Variants in FOCAD observed in about 807,000 individuals in gnomAD.
FOCAD encodes focadhesin, also known as KIAA1797.
Under a neutral mutation model 225.6 loss-of-function variants are expected in FOCAD, and 198 were observed. The observed-to-expected ratio is 0.88, with a 90% CI of 0.78 to 0.99. FOCAD has a LOEUF of 0.99. FOCAD is among the 50% of genes least tolerant of loss of function. The pLI is 0.00. For synonymous variants in FOCAD, 897 were observed against 755.0 expected (o/e 1.19, Z -3.08); for missense variants, 2,713 against 2,123.6 (o/e 1.28, Z -5.46).
intron 10 of FOCAD, among the ~76,000 whole-genome samples, chr9:20,783,455 T>G (rs549679542): frequency 1.3e-5 from 2 of 152,260 alleles, no homozygotes; most frequent in East Asian, 3.9e-4. Context: ...CCCAAACTCT[T>G]CAAGTCTCTT....
intron 42 of FOCAD, among the ~76,000 whole-genome samples, chr9:20,992,605 G>A (rs1345300319): frequency 1.3e-5 from 2 of 152,112 alleles, no homozygotes; most frequent in Non-Finnish European, 2.9e-5. Context: ...TCAGAGTGAT[G>A]AGAGATAATG....
chr9:20,758,167 C>T lies in FOCAD; in HGVS notation c.470C>T (p.Ala157Val), dbSNP rs144453858. 33 of 1,611,370 alleles carry T rather than the reference C, an allele frequency of 2.0e-5. No individual in the cohort carries two copies. Among genetic ancestry groups the T allele is most frequent in the Middle Eastern group, 1.6e-4 (1 of 6,076 alleles). ...CCAGTGTTTTTGCAGCAGCTGACAG[C>T]GTTTTTCCAGCAGTGCCCTGAAAGG... ...CWPVFLQQLT[A>V]FFQQCPERLE... The change falls in exon 6 of 44, where the codon GCG (alanine) becomes GTG (valine). Residue 157 changes from alanine (A) to valine (V), a missense_variant. Physicochemically the swap from Ala to Val is moderately conservative, Grantham distance 64. Coordinates refer to ENST00000338382, the MANE Select transcript of FOCAD (RefSeq NM_001375567.1).
At chr9:20,786,348 C>A (rs531924279) in intron 10 of FOCAD, among the ~76,000 whole-genome samples, 6 of 152,268 alleles carry the variant, frequency 3.9e-5, no homozygotes, top group African/African-American at 1.4e-4. Flanking sequence ...CTATCATCAT[C>A]TTCTGAAAGA....
chr9:20,811,432 G>A (rs900298103), intron 11 of FOCAD, among the ~76,000 whole-genome samples: 2 of 152,058 alleles, frequency 1.3e-5, no homozygotes, highest in Non-Finnish European at 2.9e-5. Context: ...AGATGCTCAA[G>A]CTGGATTGGA....
At chr9:20,751,292 C>T (rs1296807200) in intron 5 of FOCAD, among the ~76,000 whole-genome samples, 1 of 142,918 alleles carries the variant, frequency 7.0e-6, no homozygotes, top group South Asian at 2.4e-4. Context: ...GTATATCTCC[C>T]AGTGCTATCC....
intron 5 of FOCAD, among the ~76,000 whole-genome samples, chr9:20,744,019 CTG>C (rs1827839749): frequency 1.3e-5 from 2 of 152,116 alleles, no homozygotes; most frequent in South Asian, 4.2e-4. Context: ...CAAACAGTGA[CTG>C]TAAAGGAAAA....
chr9:20,902,310 C>G (rs976449330), intron 21 of FOCAD, among the ~76,000 whole-genome samples: 2 of 151,724 alleles, frequency 1.3e-5, no homozygotes, highest in Non-Finnish European at 2.9e-5. Flanking sequence ...AGAGGAAAAT[C>G]GGTCATTCAA....
At position 20,995,725 on chromosome 9, in the gene FOCAD, C is replaced by A; in HGVS notation, c.*96C>A. 4 of 1,095,408 alleles carry A rather than the reference C, an allele frequency of 3.7e-6. No individual in the cohort carries two copies. Among genetic ancestry groups the A allele is most frequent in the Non-Finnish European group, 4.1e-6 (3 of 727,386 alleles). The allele number at this position is 1,095,408 out of a possible 1,614,324, so 67.9% of individuals were successfully genotyped here. The stretch of plus-strand genomic sequence containing the variant: ...GAATTCATGCCTGGTATTGCTGAGA[C>A]ATGATGCAGAGAGTTAAGGGTCATG... On this transcript the variant is annotated 3_prime_UTR_variant, in exon 44 of 44. Transcript: ENST00000338382.
At chr9:20,780,405 A>C (rs1298543235) in intron 9 of FOCAD, among the ~76,000 whole-genome samples, 2 of 152,230 alleles carry the variant, frequency 1.3e-5, no homozygotes, top group Non-Finnish European at 2.9e-5. Flanking sequence ...TACAGTATCA[A>C]ACAGTCAAAT....
intron 15 of FOCAD, among the ~76,000 whole-genome samples, chr9:20,838,270 G>A (rs1202211533): frequency 6.6e-6 from 1 of 150,974 alleles, no homozygotes; most frequent in South Asian, 2.1e-4. Context: ...TACCACATAG[G>A]TCTTTTTTTT....
At chr9:20,751,980 C>T (rs1587015104) in intron 5 of FOCAD, among the ~76,000 whole-genome samples, 2 of 144,776 alleles carry the variant, frequency 1.4e-5, no homozygotes, top group Middle Eastern at 6.9e-3. Flanking sequence ...CTGTTCATGT[C>T]CTTCGCCCAC....
At chr9:20,718,936 C>T (rs761938097) in intron 3 of FOCAD, among the ~76,000 whole-genome samples, 6 of 152,130 alleles carry the variant, frequency 3.9e-5, no homozygotes, top group Non-Finnish European at 7.3e-5. Context: ...ACACAATGTC[C>T]TTATGAATAA....
intron 21 of FOCAD, among the ~76,000 whole-genome samples, chr9:20,894,365 T>C (rs1831888971): frequency 6.6e-6 from 1 of 152,152 alleles, no homozygotes; most frequent in African/African-American, 2.4e-5. Context: ...TGTTTGAAGA[T>C]AATTTTCAAC....
intron 21 of FOCAD, among the ~76,000 whole-genome samples, chr9:20,886,665 C>T (rs1263333934): frequency 2.0e-5 from 3 of 152,058 alleles, no homozygotes; most frequent in Non-Finnish European, 4.4e-5. Flanking sequence ...AAAATAACAT[C>T]ATTGTTTTAG....
chr9:20,986,330 T>G lies in FOCAD; in HGVS notation c.4771T>G (p.Ser1591Ala), dbSNP rs752017425. Residue 1591 changes from serine (S) to alanine (A), a missense_variant, in exon 40 of 44, where the codon TCT becomes GCT. By Grantham distance (99) the Ser-to-Ala change is moderately conservative (BLOSUM62 1). Coordinates refer to ENST00000338382, the MANE Select transcript of FOCAD (RefSeq NM_001375567.1). ...KAAFVKLYLVSQGRFPLVNLT... is the reference protein window; with the variant it reads ...KAAFVKLYLVAQGRFPLVNLT... ...TGCCTTTGTCAAACTGTACTTAGTC[T>G]CTCAAGGACGATTCCCCTTGGTGAA... 1 of 1,551,404 alleles carries G rather than the reference T, an allele frequency of 6.4e-7. No individual in the cohort carries two copies. The highest frequency in any genetic ancestry group is 1.1e-5 in the South Asian group (1 of 89,402).
In FOCAD at chr9:20,831,599, C is replaced by T. The variant is rs181309216; in HGVS notation, c.1920+8484C>T. Reference sequence around the variant, plus strand: ...GACACATCAACAGAATATTTCAAACCTTAAGCAGCATCCTCAGGTTGCAGA... The same window carrying T: ...GACACATCAACAGAATATTTCAAACTTTAAGCAGCATCCTCAGGTTGCAGA... On this transcript the variant is annotated intron_variant, in intron 15 of 43. Coordinates refer to ENST00000338382, the MANE Select transcript of FOCAD (RefSeq NM_001375567.1). Among the ~76,000 whole-genome samples, 32 of 152,080 alleles carry T rather than the reference C, an allele frequency of 2.1e-4. No homozygotes were observed. In the East Asian group the frequency reaches 5.2e-3, roughly 25 times the overall value.
intron 35 of FOCAD, among the ~76,000 whole-genome samples, chr9:20,956,854 G>A (rs1291939105): frequency 1.3e-5 from 2 of 152,050 alleles, no homozygotes; most frequent in Non-Finnish European, 2.9e-5. Flanking sequence ...CACCACGCCT[G>A]GCTAATTTTT....
At chr9:20,837,158 T>G (rs1322988423) in intron 15 of FOCAD, among the ~76,000 whole-genome samples, 1 of 152,032 alleles carries the variant, frequency 6.6e-6, no homozygotes, top group Non-Finnish European at 1.5e-5. Context: ...TTTTATCCAT[T>G]TTGGGGGTTT....
chr9:20,957,301 C>T (rs975185871), intron 35 of FOCAD, among the ~76,000 whole-genome samples: 1 of 152,042 alleles, frequency 6.6e-6, no homozygotes, highest in East Asian at 1.9e-4. Context: ...TTGAGCAATC[C>T]TCCTGACTTA....
Sources: allele counts gnomAD v4.1 joint callset (sites outside exome capture counted in the v4.1 genomes callset), GRCh38; gene constraint gnomAD v4.1.1; transcripts MANE v1.5; gene names NCBI Gene and HGNC (gene_info 2026-07-23, HGNC 2026-07-21).